Variants in COL4A1 observed in about 807,000 individuals in gnomAD.
COL4A1 encodes collagen type IV alpha 1 chain.
A neutral mutation model predicts 216.6 loss-of-function variants in COL4A1; 40 were observed. That is an observed-to-expected ratio of 0.18 (90% CI 0.14 to 0.24). The LOEUF is 0.24. Among genes scored for constraint, COL4A1 ranks in the 10% least tolerant of loss-of-function variants. COL4A1 has a pLI of 1.00. For synonymous variants in COL4A1, 839 were observed against 810.7 expected, an observed-to-expected ratio of 1.03 and a Z score of -0.59; for missense variants, 1,628 against 2,196.8, an observed-to-expected ratio of 0.74 and a Z score of 5.18.
rs778950442 is a variant in COL4A1, at chr13:110,210,170, A to G, written c.511T>C (p.Leu171=). The G allele has an allele frequency of 1.2e-6, 2 of 1,614,012 alleles. No homozygotes were observed. Among genetic ancestry groups the G allele is most frequent in the East Asian group, 2.2e-5 (1 of 44,886 alleles). Residue 171 remains leucine (L), a synonymous_variant, in exon 9 of 52, where the codon TTG becomes CTG. Coordinates refer to ENST00000375820, the MANE Select transcript of COL4A1 (RefSeq NM_001845.6). ...CCGGGAAATCCTCTTTCACCTTTCA[A>G]CAGCATCCCGGGCACATGGCCAAGT... ...EILGHVPGML[L]KGERGFPGIP...
At chr13:110,190,877 C>T (rs569133115) in intron 24 of COL4A1, 1 of 152,298 alleles carries the variant, frequency 6.6e-6, no homozygotes, top group Non-Finnish European at 1.5e-5. Context: ...GATCTTTCCT[C>T]AATATTCCTT....
Position 110,179,323 on chromosome 13 carries a change from G to T in COL4A1, c.2292C>A (p.Gly764=). 1.2e-6 allele frequency: 2 copies of T among 1,614,090 alleles called. No individual in the cohort carries two copies. The highest frequency in any genetic ancestry group is 8.5e-7 in the Non-Finnish European group (1 of 1,180,026). ...PGEKGSIGVP[G]VPGEHGAIGP... ...CGATCGCTCCATGTTCTCCAGGAAC[G>T]CCTGGTACCCCAATGCTCCCCTTCT... is the stretch of plus-strand genomic sequence containing the variant. Residue 764 remains glycine (G), a synonymous_variant, in exon 30 of 52, where the codon GGC becomes GGA. Transcript: ENST00000375820.
intron 2 of COL4A1, among the ~76,000 whole-genome samples, chr13:110,228,242 G>GA (rs1387549422): frequency 1.3e-5 from 2 of 150,352 alleles, no homozygotes; most frequent in African/African-American, 2.4e-5. Flanking sequence ...GGGGGCGGGG[G>GA]GGGGGTCTAC....
At chr13:110,213,500 C>T (rs1209609754) in intron 4 of COL4A1, among the ~76,000 whole-genome samples, 1 of 152,100 alleles carries the variant, frequency 6.6e-6, no homozygotes, top group Non-Finnish European at 1.5e-5. Context: ...TAAAAAATGC[C>T]CAGAAGAGAT....
intron 2 of COL4A1, among the ~76,000 whole-genome samples, chr13:110,215,291 C>T (rs1414072928): frequency 2.1e-4 from 2 of 9,376 alleles, no homozygotes; most frequent in Non-Finnish European, 3.9e-4. Context: ...TGCGGTGGCT[C>T]GCTCATGCCT....
chr13:110,176,466 G>C lies in COL4A1; in HGVS notation c.3016C>G (p.Leu1006Val). 6.2e-7 allele frequency: 1 copy of C among 1,614,050 alleles called. No individual in the cohort carries two copies. Among genetic ancestry groups the C allele is most frequent in the Non-Finnish European group, 8.5e-7 (1 of 1,179,892 alleles). The part of the protein sequence containing the change: ...GISGTPGAPG[L>V]PGPKGSVGGM... ...CCAACAGATCCTTTTGGTCCCGGAA[G>C]TCCTGGAGCACCTGGGGTTCCACTT... The change falls in exon 36 of 52, where the codon CTT becomes GTT. Residue 1006 changes from leucine (L) to valine (V), a missense_variant. By Grantham distance (32) the Leu-to-Val change is conservative (BLOSUM62 1). Coordinates refer to ENST00000375820, the MANE Select transcript of COL4A1 (RefSeq NM_001845.6).
intron 45 of COL4A1, 62 bp downstream of exon 45, chr13:110,166,170 C>G: frequency 1.0e-6 from 1 of 1,003,640 alleles, no homozygotes; most frequent in African/African-American, 1.6e-5. Flanking sequence ...TCTGTGCATT[C>G]CTGGCTTTTA....
chr13:110,273,816 G>A (rs1386881610), intron 1 of COL4A1, among the ~76,000 whole-genome samples: 3 of 152,278 alleles, frequency 2.0e-5, no homozygotes, highest in African/African-American at 7.2e-5. Context: ...TCAGTCAAGT[G>A]AGGCTGAAAC....
intron 20 of COL4A1, among the ~76,000 whole-genome samples, chr13:110,199,386 C>T (rs1002106987): frequency 5.9e-5 from 9 of 152,290 alleles, no homozygotes; most frequent in Middle Eastern, 3.4e-3. Flanking sequence ...GAGGGAAGAG[C>T]GCTGACCAAA....
chr13:110,172,859 A>G (rs1877708844), intron 40 of COL4A1, 89 bp from the exon 41 acceptor site: 1 of 1,004,300 alleles, frequency 1.0e-6, no homozygotes, highest in African/African-American at 1.6e-5. Flanking sequence ...CTCTGCAATA[A>G]TACTACGTAT....
At chr13:110,234,065 C>A (rs549516335) in intron 2 of COL4A1, among the ~76,000 whole-genome samples, 2 of 152,204 alleles carry the variant, frequency 1.3e-5, no homozygotes, top group Non-Finnish European at 2.9e-5. Flanking sequence ...TCACATGACA[C>A]GCATATGTCC....
intron 2 of COL4A1, among the ~76,000 whole-genome samples, chr13:110,229,712 C>G (rs542670113): frequency 3.3e-5 from 5 of 152,188 alleles, no homozygotes; most frequent in Non-Finnish European, 5.9e-5. Context: ...GGTCCACAGC[C>G]GACCTCGAAT....
intron 41 of COL4A1, 135 bp from the exon 42 acceptor site, chr13:110,170,867 C>T (rs1301890238): frequency 2.3e-6 from 2 of 854,918 alleles, no homozygotes; most frequent in African/African-American, 3.3e-5. Context: ...AGGGACACCA[C>T]AGGAAACTGC....
At chr13:110,245,266 C>T (rs887355413) in intron 1 of COL4A1, among the ~76,000 whole-genome samples, 1 of 152,176 alleles carries the variant, frequency 6.6e-6, no homozygotes, top group African/African-American at 2.4e-5. Context: ...CCTGGAGTTT[C>T]GGGGCAGCCT....
intron 2 of COL4A1, among the ~76,000 whole-genome samples, chr13:110,242,141 G>A (rs1881596725): frequency 6.6e-6 from 1 of 152,128 alleles, no homozygotes; most frequent in Non-Finnish European, 1.5e-5. Flanking sequence ...TGGAGCCCTG[G>A]TTCTTAAATG....
At chr13:110,184,650 T>C (rs1351415413) in intron 26 of COL4A1, among the ~76,000 whole-genome samples, 1 of 152,180 alleles carries the variant, frequency 6.6e-6, no homozygotes, top group Non-Finnish European at 1.5e-5. Context: ...CTGGCTGACA[T>C]TTCCCATACT....
At chr13:110,210,108 A>G in intron 9 of COL4A1, 21 bp downstream of exon 9, 1 of 1,614,036 alleles carries the variant, frequency 6.2e-7, no homozygotes, top group Non-Finnish European at 8.5e-7. Flanking sequence ...ACATGTTCAT[A>G]ATGATTCAGC....
At chr13:110,229,523 A>T (rs182134959) in intron 2 of COL4A1, among the ~76,000 whole-genome samples, 1 of 152,286 alleles carries the variant, frequency 6.6e-6, no homozygotes, top group East Asian at 1.9e-4. Flanking sequence ...AGGATAATAA[A>T]AGTGCTGTGT....
At chr13:110,301,447 C>A (rs559495345) in intron 1 of COL4A1, among the ~76,000 whole-genome samples, 1 of 152,210 alleles carries the variant, frequency 6.6e-6, no homozygotes, top group African/African-American at 2.4e-5. Context: ...CAGCACCGCT[C>A]GAGTGCTTAC....
Sources: gnomAD v4.1 joint callset for allele counts (sites outside exome capture counted in the v4.1 genomes callset) on GRCh38, gnomAD v4.1.1 for gene constraint, MANE v1.5 for transcripts, NCBI Gene and HGNC (gene_info 2026-07-23, HGNC 2026-07-21) for gene names.